The following ZNF544 variants were observed in gnomAD, a reference collection of about 807,000 sequenced individuals.
ZNF544 encodes zinc finger protein 544.
Under a neutral mutation model 13.5 loss-of-function variants are expected in ZNF544, and 10 were observed. The ratio of observed to expected loss-of-function variants is 0.74; its 90% CI spans 0.46 to 1.25. The LOEUF (loss-of-function observed/expected upper bound fraction) is 1.25, where lower values mean the gene tolerates loss of function less well. Among genes scored for constraint, ZNF544 ranks in the 50% most tolerant of loss-of-function variants. The pLI is 0.00. For missense variants in ZNF544, 896 were observed against 845.6 expected (o/e 1.06, Z -0.74); for synonymous variants, 323 against 300.5 (o/e 1.07, Z -0.77).
intron 5 of ZNF544, among the ~76,000 whole-genome samples, chr19:58,273,590 T>G (rs1308419290): frequency 6.0e-5 from 9 of 149,640 alleles, no homozygotes; most frequent in Non-Finnish European, 1.5e-5. Context: ...TTTGGGAGGA[T>G]GAGGCAGGAG....
At chr19:58,232,657 C>T (rs562718411) in intron 3 of ZNF544, among the ~76,000 whole-genome samples, 110 of 150,820 alleles carry the variant, frequency 7.3e-4, no homozygotes, top group African/African-American at 2.3e-3. Context: ...GGGCCGGGCG[C>T]GGTGGCTCAC....
chr19:58,231,127 A>C (rs1283337408), intron 3 of ZNF544, among the ~76,000 whole-genome samples: 1 of 152,108 alleles, frequency 6.6e-6, no homozygotes, highest in East Asian at 1.9e-4. Context: ...CAGATTGCAC[A>C]GAACAAACAG....
intron 6 of ZNF544, chr19:58,257,296 T>C (rs2047692730): frequency 6.6e-6 from 1 of 152,190 alleles, no homozygotes; most frequent in Non-Finnish European, 1.5e-5. Flanking sequence ...CATAGCTGTA[T>C]TGAAACAAAA....
In ZNF544 at chr19:58,260,845, T is replaced by A; in HGVS notation, c.245-6T>A. The A allele has an allele frequency of 6.4e-7, 1 of 1,572,306 alleles. No individual in the cohort carries two copies. ...CAGTAACTTAGGCATTTTGGATTTC[T>A]TTCAGACTGGAAAGCTACCCTTGAG... On this transcript the variant is annotated splice_polypyrimidine_tract_variant and splice_region_variant and intron_variant, in intron 6 of 6. Coordinates refer to ENST00000687789, the MANE Select transcript of ZNF544 (RefSeq NM_014480.4).
At chr19:58,266,981 G>C (rs1376050709), downstream of ZNF544, 2 of 152,150 alleles carry the variant, frequency 1.3e-5, no homozygotes, top group African/African-American at 4.8e-5. Flanking sequence ...ATATGGGTGG[G>C]AGGCAAGGAG....
chr19:58,276,541 A>G, intron 6 of ZNF544: 1 of 555,616 alleles, frequency 1.8e-6, no homozygotes, highest in Non-Finnish European at 2.6e-6. Context: ...AATCTCAGCT[A>G]ATCGCAACCT....
chr19:58,254,053 T>A (rs1298351137), intron 6 of ZNF544, among the ~76,000 whole-genome samples: 3 of 152,058 alleles, frequency 2.0e-5, no homozygotes, highest in Admixed American at 2.0e-4. Context: ...TGAAACCCCA[T>A]CTCTACTAAA....
chr19:58,249,342 C>T (rs1290583947), intron 6 of ZNF544, among the ~76,000 whole-genome samples: 1 of 152,206 alleles, frequency 6.6e-6, no homozygotes, highest in Non-Finnish European at 1.5e-5. Context: ...ACAGGACTCT[C>T]TCCCCGCCCT....
chr19:58,264,960 A>G (rs562207803), downstream of ZNF544, among the ~76,000 whole-genome samples: 87 of 152,204 alleles, frequency 5.7e-4, no homozygotes, highest in African/African-American at 2.1e-3. Context: ...ACCTGCAGTG[A>G]GCTGAGATCA....
At chr19:58,275,545 G>C (rs993690525) in intron 5 of ZNF544, among the ~76,000 whole-genome samples, 1 of 151,788 alleles carries the variant, frequency 6.6e-6, no homozygotes, top group African/African-American at 2.4e-5. Context: ...GCTGGGCACC[G>C]TTTTTGTAAT....
chr19:58,243,707 C>T (rs2044421366), intron 3 of ZNF544, among the ~76,000 whole-genome samples: 3 of 152,228 alleles, frequency 2.0e-5, no homozygotes, highest in South Asian at 2.1e-4. Flanking sequence ...TCCTTAGTCA[C>T]GAAATGATAG....
At position 58,246,719 on chromosome 19, in the gene ZNF544, C is replaced by G. The variant is rs2045306175; in HGVS notation, c.169C>G (p.Leu57Val). The stretch of plus-strand genomic sequence containing the variant: ...TTTCCGTCTTTGACCAGGGCTTTTC[C>G]TTTCCAAATCTGATGTGATCTCTCA... The part of the protein sequence containing the change: ...WEHIVSLGLF[L>V]SKSDVISQLE... Residue 57 changes from leucine to valine, a missense_variant, in exon 6 of 7, where the codon CTT (leucine) becomes GTT (valine). Leu to Val is a conservative substitution (Grantham distance 32). Coordinates refer to ENST00000687789, the MANE Select transcript of ZNF544 (RefSeq NM_014480.4). The G allele has an allele frequency of 6.2e-7, 1 of 1,614,100 alleles. No homozygotes were observed. Among genetic ancestry groups the G allele is most frequent in the African/African-American group, 1.3e-5 (1 of 75,050 alleles).
At chr19:58,244,205 T>A in intron 4 of ZNF544, 149 bp downstream of exon 4, 1 of 613,472 alleles carries the variant, frequency 1.6e-6, no homozygotes. Context: ...CTCCCTGCAG[T>A]AAAGCGCGGC....
At chr19:58,269,448 AC>A (rs68071872) in intron 5 of ZNF544, among the ~76,000 whole-genome samples, 74,138 of 141,174 alleles carry the variant, frequency 0.53, 20,706 homozygotes, top group Middle Eastern at 0.64. Context: ...AAAAAAACAA[AC>A]AAAAAAAATG....
chr19:58,252,812 T>C (rs1479487548), intron 6 of ZNF544, among the ~76,000 whole-genome samples: 1 of 152,180 alleles, frequency 6.6e-6, no homozygotes, highest in Non-Finnish European at 1.5e-5. Flanking sequence ...TCCTTCCTTT[T>C]TATTTACTTA....
chr19:58,276,469 T>A (rs1220905529), intron 6 of ZNF544: 27 of 1,148,954 alleles, frequency 2.3e-5, no homozygotes, highest in African/African-American at 6.4e-5. Context: ...ATTTTATTTT[T>A]ATTTTATTTT....
chr19:58,265,330 CTG>C (rs2049727217), downstream of ZNF544, among the ~76,000 whole-genome samples: 1 of 146,434 alleles, frequency 6.8e-6, no homozygotes, highest in South Asian at 2.1e-4. Flanking sequence ...CAGTCTCACT[CTG>C]TTGCCCAGGC....
chr19:58,266,148 G>A (rs1328482641), downstream of ZNF544, among the ~76,000 whole-genome samples: 4 of 147,604 alleles, frequency 2.7e-5, no homozygotes, highest in African/African-American at 7.5e-5. Context: ...GGAGGTTGCA[G>A]TGAGCCGAGA....
chr19:58,269,590 G>A (rs1030877004), intron 5 of ZNF544, among the ~76,000 whole-genome samples: 7 of 142,814 alleles, frequency 4.9e-5, no homozygotes, highest in East Asian at 4.1e-4. Flanking sequence ...CAGCGTGGGC[G>A]ACAAAGCGAG....
Sources: allele counts gnomAD v4.1 joint callset (sites outside exome capture counted in the v4.1 genomes callset), GRCh38; gene constraint gnomAD v4.1.1; transcripts MANE v1.5; gene names NCBI Gene and HGNC (gene_info 2026-07-23, HGNC 2026-07-21).